TOPBP1: variants seen among roughly 807,000 people sequenced by gnomAD.
TOPBP1 encodes DNA topoisomerase 2-binding protein 1.
TOPBP1 carries 28 observed loss-of-function variants against 167.7 expected under a neutral mutation model. That is an observed-to-expected ratio of 0.17 (90% CI 0.12 to 0.23). The LOEUF (loss-of-function observed/expected upper bound fraction) is 0.23, where lower values mean the gene tolerates loss of function less well. TOPBP1 is among the 10% of genes least tolerant of loss of function. The pLI, the probability that TOPBP1 is intolerant of heterozygous loss-of-function variation, is 1.00. For missense variants in TOPBP1, 1,554 were observed against 1,809.6 expected, an observed-to-expected ratio of 0.86 and a Z score of 2.56; for synonymous variants, 598 against 611.4, an observed-to-expected ratio of 0.98 and a Z score of 0.32.
chr3:133,605,305 T>A (rs572263118), intron 27 of TOPBP1, among the ~76,000 whole-genome samples: 23 of 151,912 alleles, frequency 1.5e-4, no homozygotes, highest in Admixed American at 3.9e-4. Context: ...AACTTGTTTG[T>A]GATGCCAGCA....
intron 27 of TOPBP1, among the ~76,000 whole-genome samples, chr3:133,603,690 T>G (rs1207719235): frequency 6.7e-6 from 1 of 148,776 alleles, no homozygotes; most frequent in Non-Finnish European, 1.5e-5. Context: ...TTGAAATAAA[T>G]GGGGTAAAAG....
At chr3:133,629,582 C>T (rs1370391118) in intron 14 of TOPBP1, among the ~76,000 whole-genome samples, 9 of 152,032 alleles carry the variant, frequency 5.9e-5, no homozygotes, top group Non-Finnish European at 7.4e-5. Context: ...ACTAAAAAAA[C>T]AAGACCAACA....
At chr3:133,608,996 T>A in intron 25 of TOPBP1, 34 bp from the exon 26 acceptor site, 1 of 1,530,090 alleles carries the variant, frequency 6.5e-7, no homozygotes, top group Non-Finnish European at 8.9e-7. Flanking sequence ...GTGAAATCAT[T>A]TGGAAAATAA....
At chr3:133,622,054 GGGAA>G (rs1229302276) in intron 19 of TOPBP1, among the ~76,000 whole-genome samples, 3 of 151,574 alleles carry the variant, frequency 2.0e-5, no homozygotes, top group African/African-American at 7.3e-5. Context: ...AGGAAAGGGA[GGGAA>G]GGAAGGAAGA....
At chr3:133,647,080 A>G (rs1051235723) in intron 10 of TOPBP1, among the ~76,000 whole-genome samples, 11 of 152,214 alleles carry the variant, frequency 7.2e-5, no homozygotes, top group African/African-American at 2.7e-4. Flanking sequence ...ATACCCTGAG[A>G]GAACAAGCCC....
rs1033707806 is a variant in TOPBP1, at chr3:133,608,714, T to C, written c.4264-18A>G. ...GGTAGCACCTAATGAAAAAACAAGG[T>C]AGTATCACAATCTACCAGTATTCCA... On this transcript the variant is annotated intron_variant, in intron 26 of 27. Coordinates refer to ENST00000260810, the MANE Select transcript of TOPBP1 (RefSeq NM_007027.4). 11 of 1,612,148 alleles carry C rather than the reference T, an allele frequency of 6.8e-6. No homozygotes were observed. In the Admixed American group the frequency reaches 1.7e-4, roughly 25 times the overall value.
intron 4 of TOPBP1, among the ~76,000 whole-genome samples, chr3:133,657,237 G>A (rs976018118): frequency 6.6e-5 from 10 of 151,328 alleles, no homozygotes; most frequent in African/African-American, 2.2e-4. Context: ...CCAGCTACTC[G>A]GGAGGCTGAG....
intron 27 of TOPBP1, among the ~76,000 whole-genome samples, chr3:133,605,058 G>C (rs757958845): frequency 1.3e-5 from 2 of 151,834 alleles, no homozygotes; most frequent in Admixed American, 6.6e-5. Context: ...AATTAGCTAA[G>C]ACTGGTGGCG....
intron 12 of TOPBP1, among the ~76,000 whole-genome samples, chr3:133,641,909 A>G (rs557874803): frequency 6.6e-6 from 1 of 152,372 alleles, no homozygotes; most frequent in African/African-American, 2.4e-5. Context: ...CCAGGTCAGA[A>G]GACAGAATCT....
intron 9 of TOPBP1, 26 bp from the exon 10 acceptor site, chr3:133,649,659 A>G: frequency 6.2e-7 from 1 of 1,609,872 alleles, no homozygotes; most frequent in Non-Finnish European, 8.5e-7. Context: ...ATAGTTATGT[A>G]TTAGTGCAAG....
intron 19 of TOPBP1, among the ~76,000 whole-genome samples, 162 bp from the exon 20 acceptor site, chr3:133,620,509 G>C (rs1393953861): frequency 6.6e-6 from 1 of 151,614 alleles, no homozygotes; most frequent in Admixed American, 6.6e-5. Context: ...TATGAATACT[G>C]CAGAACATAA....
chr3:133,652,760 T>A (rs1452222880), intron 7 of TOPBP1, 131 bp from the exon 8 acceptor site: 1 of 701,572 alleles, frequency 1.4e-6, no homozygotes, highest in African/African-American at 1.8e-5. Context: ...GGGTGTTTAC[T>A]GAAATCTTAG....
At chr3:133,607,646 C>T (rs1033118839) in intron 27 of TOPBP1, among the ~76,000 whole-genome samples, 3 of 152,018 alleles carry the variant, frequency 2.0e-5, no homozygotes, top group African/African-American at 2.4e-5. Context: ...TTTCTGATTC[C>T]AGGAGTCCAA....
chr3:133,602,491 C>T (rs1209018785), intron 27 of TOPBP1, among the ~76,000 whole-genome samples: 1 of 152,106 alleles, frequency 6.6e-6, no homozygotes, highest in South Asian at 2.1e-4. Flanking sequence ...TATAAAATAC[C>T]ATTTTTTATT....
At chr3:133,655,507 AAAAAG>A in intron 5 of TOPBP1, 21 bp from the exon 6 acceptor site, 1 of 1,279,032 alleles carries the variant, frequency 7.8e-7, no homozygotes. Flanking sequence ...CAAATGGTTA[AAAAAG>A]AACATATTAA....
chr3:133,600,800 G>C lies in TOPBP1; in HGVS notation c.*450C>G, dbSNP rs1934264165. The C allele has an allele frequency of 6.3e-6, 1 of 159,382 alleles. No individual in the cohort carries two copies. Among genetic ancestry groups the C allele is most frequent in the African/African-American group, 2.4e-5 (1 of 41,478 alleles). The allele number at this position is 159,382 out of a possible 1,614,324, so 9.9% of individuals were successfully genotyped here. A position where few individuals can be genotyped will look rare whatever the true frequency, so the allele number is the denominator to read the frequency against. ...GCTTCCTCATTAAACCTTGTGCTCA[G>C]GCTCCTGTTAAAAGAGGTAAAATGG... On this transcript the variant is annotated 3_prime_UTR_variant, in exon 28 of 28. Transcript: ENST00000260810.
chr3:133,644,453 A>G (rs919489353), intron 10 of TOPBP1, 90 bp from the exon 11 acceptor site: 19 of 1,226,838 alleles, frequency 1.5e-5, no homozygotes, highest in South Asian at 5.0e-5. Context: ...ATGGAATCTG[A>G]TAATTTTGAC....
intron 23 of TOPBP1, among the ~76,000 whole-genome samples, chr3:133,613,837 G>C (rs1934766906): frequency 6.7e-6 from 1 of 148,220 alleles, no homozygotes; most frequent in South Asian, 2.1e-4. Context: ...CCAGGCTGGA[G>C]TGCAGGAGTG....
chr3:133,611,116 C>T lies in TOPBP1; in HGVS notation c.4061G>A (p.Ser1354Asn), dbSNP rs1334149898. The change falls in exon 25 of 28, where the codon AGT (serine) becomes AAT (asparagine). Residue 1354 changes from serine to asparagine, a missense_variant. Coordinates refer to ENST00000260810, the MANE Select transcript of TOPBP1 (RefSeq NM_007027.4). ...TCCAGTCAGAACATCAAGTATGGAA[C>T]TACTTCCCCATTCATAGTCTTCTTC... ...VQEEDYEWGSSSILDVLTGIN... is the reference protein window; with the variant it reads ...VQEEDYEWGSNSILDVLTGIN... 3 of 1,612,546 alleles carry T rather than the reference C, an allele frequency of 1.9e-6. No individual in the cohort carries two copies. The highest frequency in any genetic ancestry group is 1.3e-5 in the African/African-American group (1 of 75,006).
Sources: allele counts gnomAD v4.1 joint callset (sites outside exome capture counted in the v4.1 genomes callset), GRCh38; gene constraint gnomAD v4.1.1; transcripts MANE v1.5; gene names NCBI Gene and HGNC (gene_info 2026-07-23, HGNC 2026-07-21).